SUSD4: variants seen among roughly 807,000 people sequenced by gnomAD.
SUSD4 encodes sushi domain containing 4, also known as sushi domain-containing protein 4.
In SUSD4, 41 loss-of-function variants were observed where a neutral mutation model predicts 50.5. The ratio of observed to expected loss-of-function variants is 0.81; its 90% CI spans 0.63 to 1.05. The LOEUF (loss-of-function observed/expected upper bound fraction) is 1.05. SUSD4 is among the 50% of genes least tolerant of loss of function. The probability of loss-of-function intolerance (pLI) is 0.00; values close to 1 mark genes in which losing one functional copy is unlikely to be tolerated. For synonymous variants in SUSD4, 257 were observed against 257.3 expected (o/e 1.00, Z 0.01); for missense variants, 580 against 634.7 (o/e 0.91, Z 0.93).
chr1:223,360,265 G>A (rs1195975717), intron 2 of SUSD4: 2 of 470,212 alleles, frequency 4.3e-6, no homozygotes, highest in East Asian at 7.0e-5. Context: ...GGGGTGGGGG[G>A]CACTCTGGGC....
intron 5 of SUSD4, among the ~76,000 whole-genome samples, chr1:223,255,475 C>G (rs774582858): frequency 1.3e-5 from 2 of 152,152 alleles, no homozygotes; most frequent in Non-Finnish European, 2.9e-5. Context: ...TTCACGCCAG[C>G]AAACTCTTCC....
Position 223,264,782 on chromosome 1 carries a change from A to C in SUSD4, c.572T>G (p.Val191Gly). The stretch of plus-strand genomic sequence containing the variant: ...GGAGGTCTGGAGCTCAGAGATGTTT[A>C]CATAGCCATTAGAAGAGGCTAGAGG... ...LRPLASSNGY[V>G]NISELQTSFP... The change falls in exon 5 of 9, where the codon GTA becomes GGA. Residue 191 changes from valine to glycine, a missense_variant. By Grantham distance (109) the Val-to-Gly change is moderately radical. Coordinates refer to ENST00000366878, the MANE Select transcript of SUSD4 (RefSeq NM_017982.4). 1.2e-6 allele frequency: 2 copies of C among 1,614,194 alleles called. No homozygotes were observed. The highest frequency in any genetic ancestry group is 1.7e-6 in the Non-Finnish European group (2 of 1,180,030).
At chr1:223,269,032 C>T (rs370076427) in intron 3 of SUSD4, among the ~76,000 whole-genome samples, 175 of 152,328 alleles carry the variant, frequency 1.1e-3, no homozygotes, top group Middle Eastern at 3.4e-3. Context: ...TGGTTACATA[C>T]TTTACTGTGT....
chr1:223,239,717 C>CTGTG (rs376158993), intron 5 of SUSD4, among the ~76,000 whole-genome samples: 15 of 149,572 alleles, frequency 1.0e-4, no homozygotes, highest in East Asian at 9.7e-4. Flanking sequence ...ATATAAGCGT[C>CTGTG]TGTGTGTGTG....
chr1:223,338,288 C>T (rs1201765463), intron 2 of SUSD4, among the ~76,000 whole-genome samples: 1 of 152,174 alleles, frequency 6.6e-6, no homozygotes, highest in Non-Finnish European at 1.5e-5. Flanking sequence ...CTGTTCTCAG[C>T]CGAATTTCTG....
At chr1:223,244,538 G>T (rs768981580) in intron 5 of SUSD4, among the ~76,000 whole-genome samples, 3 of 152,206 alleles carry the variant, frequency 2.0e-5, no homozygotes, top group African/African-American at 7.2e-5. Context: ...GGCAGGTCAC[G>T]TGGGGATGTC....
intron 2 of SUSD4, among the ~76,000 whole-genome samples, chr1:223,348,236 T>G (rs577841486): frequency 1.3e-5 from 2 of 152,348 alleles, no homozygotes; most frequent in Admixed American, 1.3e-4. Context: ...CAGAGATAAC[T>G]GAGACAAAAG....
At position 223,221,032 on chromosome 1, in the gene SUSD4, T is replaced by C; in HGVS notation, c.*1160A>G. ...ACTTCAGGACACTTTGGGAAATTTT[T>C]TAATCAATCAGTTTCTTAGGAACAA... is the stretch of plus-strand genomic sequence containing the variant. On this transcript the variant is annotated 3_prime_UTR_variant, in exon 9 of 9. Coordinates refer to ENST00000366878, the MANE Select transcript of SUSD4 (RefSeq NM_017982.4). 2.5e-6 allele frequency: 1 copy of C among 400,846 alleles called. No homozygotes were observed. Among genetic ancestry groups the C allele is most frequent in the Non-Finnish European group, 4.4e-6 (1 of 226,240 alleles). The allele number at this position is 400,846 out of a possible 1,614,324, so 24.8% of individuals were successfully genotyped here.
Position 223,264,774 on chromosome 1 carries a change from A to C in SUSD4, c.580T>G (p.Ser194Ala). The C allele has an allele frequency of 6.2e-7, 1 of 1,614,198 alleles. No homozygotes were observed. Among genetic ancestry groups the C allele is most frequent in the South Asian group, 1.1e-5 (1 of 91,084 alleles). The change falls in exon 5 of 9, where the codon TCT (serine) becomes GCT (alanine). Residue 194 changes from serine to alanine, a missense_variant. Ser to Ala is a moderately conservative substitution (Grantham distance 99). Coordinates refer to ENST00000366878, the MANE Select transcript of SUSD4 (RefSeq NM_017982.4). ...ACCGGGAAGGAGGTCTGGAGCTCAGAGATGTTTACATAGCCATTAGAAGAG... is the reference window on the plus strand; with the variant it reads ...ACCGGGAAGGAGGTCTGGAGCTCAGCGATGTTTACATAGCCATTAGAAGAG... ...LASSNGYVNI[S>A]ELQTSFPVGT...
chr1:223,228,038 A>G (rs754020294), intron 6 of SUSD4, among the ~76,000 whole-genome samples: 2 of 152,204 alleles, frequency 1.3e-5, no homozygotes, highest in Non-Finnish European at 2.9e-5. Context: ...CTGCCTCTTG[A>G]GAACAGAGGT....
chr1:223,305,379 G>C (rs1049398608), intron 2 of SUSD4, among the ~76,000 whole-genome samples: 1 of 152,104 alleles, frequency 6.6e-6, no homozygotes, highest in African/African-American at 2.4e-5. Context: ...CCACCAAATG[G>C]GAACACCAAG....
chr1:223,315,429 G>A (rs1022712067), intron 2 of SUSD4, among the ~76,000 whole-genome samples: 3 of 152,192 alleles, frequency 2.0e-5, no homozygotes, highest in African/African-American at 7.2e-5. Flanking sequence ...GGCTTTTCAG[G>A]TTTTTGCATT....
intron 2 of SUSD4, among the ~76,000 whole-genome samples, chr1:223,305,469 A>C (rs1044747674): frequency 3.9e-5 from 6 of 152,224 alleles, no homozygotes; most frequent in Non-Finnish European, 8.8e-5. Flanking sequence ...ACAATACAAA[A>C]AATTCATCAA....
At chr1:223,283,961 C>A (rs575910383) in intron 3 of SUSD4, among the ~76,000 whole-genome samples, 1 of 152,116 alleles carries the variant, frequency 6.6e-6, no homozygotes, top group Non-Finnish European at 1.5e-5. Flanking sequence ...AACCATCATT[C>A]TCAGCAAACT....
At chr1:223,324,472 T>C (rs1408696982) in intron 2 of SUSD4, among the ~76,000 whole-genome samples, 3 of 151,868 alleles carry the variant, frequency 2.0e-5, no homozygotes, top group Admixed American at 2.0e-4. Context: ...CCATCCAAAA[T>C]GGTTACTTTA....
chr1:223,283,655 T>C (rs993010267), intron 3 of SUSD4, among the ~76,000 whole-genome samples: 3 of 152,212 alleles, frequency 2.0e-5, no homozygotes, highest in African/African-American at 4.8e-5. Context: ...AGTTCAACCA[T>C]TGTGGAAGTG....
At chr1:223,284,796 T>C (rs1433671307) in intron 3 of SUSD4, among the ~76,000 whole-genome samples, 1 of 152,140 alleles carries the variant, frequency 6.6e-6, no homozygotes, top group South Asian at 2.1e-4. Context: ...CTCACTCATA[T>C]GTGGAAGCTA....
chr1:223,229,180 G>T lies in SUSD4; in HGVS notation c.916+17C>A. The T allele has an allele frequency of 6.3e-7, 1 of 1,586,540 alleles. No individual in the cohort carries two copies. The highest frequency in any genetic ancestry group is 8.6e-7 in the Non-Finnish European group (1 of 1,157,680). The stretch of plus-strand genomic sequence containing the variant: ...AGGAGGGTCCATCTCCTCCAAGGGT[G>T]AGGCCTTCAGTCTTACCTGATTTGA... On this transcript the variant is annotated intron_variant, in intron 6 of 8. Coordinates refer to ENST00000366878, the MANE Select transcript of SUSD4 (RefSeq NM_017982.4). This position sits in a 1 kb window ranked among gnomAD's most constrained non-coding sequence, Gnocchi z 4.7.
At chr1:223,354,034 G>GAAAA (rs112464132) in intron 2 of SUSD4, among the ~76,000 whole-genome samples, 1 of 136,208 alleles carries the variant, frequency 7.3e-6, no homozygotes, top group Non-Finnish European at 1.6e-5. Flanking sequence ...GTTGTCTCAA[G>GAAAA]AAAAAAAAAA....
Sources: gnomAD v4.1 joint callset for allele counts (sites outside exome capture counted in the v4.1 genomes callset) on GRCh38, gnomAD v4.1.1 for gene constraint, Gnocchi (gnomAD v3.1) non-coding constraint, MANE v1.5 for transcripts, NCBI Gene and HGNC (gene_info 2026-07-23, HGNC 2026-07-21) for gene names.